The following MAPK10 variants were observed in gnomAD, a reference collection of about 807,000 sequenced individuals.
MAPK10 encodes the protein mitogen-activated protein kinase 10.
Under a neutral mutation model 59.3 loss-of-function variants are expected in MAPK10, and 25 were observed. The observed-to-expected ratio is 0.42, with a 90% CI of 0.31 to 0.59. MAPK10 has a LOEUF of 0.59. Among genes scored for constraint, MAPK10 ranks in the 20% least tolerant of loss-of-function variants. The probability of loss-of-function intolerance (pLI) is 0.15; values close to 1 mark genes in which losing one functional copy is unlikely to be tolerated. For synonymous variants in MAPK10, 190 were observed against 200.5 expected, an observed-to-expected ratio of 0.95 and a Z score of 0.44; for missense variants, 351 against 568.9, an observed-to-expected ratio of 0.62 and a Z score of 3.90.
chr4:86,350,308 A>C (rs1730606975), intron 2 of MAPK10, among the ~76,000 whole-genome samples: 1 of 151,576 alleles, frequency 6.6e-6, no homozygotes, highest in South Asian at 2.1e-4. Context: ...TCTGCCTCCC[A>C]GGTTCAAGTG....
At chr4:86,552,515 AAG>A (rs1759923714) in intron 1 of MAPK10, among the ~76,000 whole-genome samples, 3 of 108,762 alleles carry the variant, frequency 2.8e-5, no homozygotes, top group African/African-American at 7.1e-5. Flanking sequence ...GGAAGGAAGG[AAG>A]GAAGGAAGGA....
intron 1 of MAPK10, among the ~76,000 whole-genome samples, chr4:86,477,573 A>G (rs147028280): frequency 2.6e-5 from 4 of 152,256 alleles, no homozygotes; most frequent in African/African-American, 9.6e-5. Flanking sequence ...CTCAACGCCA[A>G]TATCCCATCC....
chr4:86,398,942 CT>C (rs1422051622), intron 1 of MAPK10, among the ~76,000 whole-genome samples: 1 of 152,116 alleles, frequency 6.6e-6, no homozygotes, highest in Admixed American at 6.6e-5. Flanking sequence ...TGACTTTGTT[CT>C]TTTTTATGGC....
At chr4:86,268,536 C>T (rs549214627) in intron 2 of MAPK10, 1 of 152,354 alleles carries the variant, frequency 6.6e-6, no homozygotes, top group African/African-American at 2.4e-5. Flanking sequence ...AACTGCCCCT[C>T]AGGTCTCATG....
Position 86,359,915 on chromosome 4 carries a change from T to C in MAPK10, c.-379A>G. The C allele has an allele frequency of 1.0e-6, 1 of 985,628 alleles. No homozygotes were observed. Among genetic ancestry groups the C allele is most frequent in the Non-Finnish European group, 1.2e-6 (1 of 829,932 alleles). The allele number at this position is 985,628 out of a possible 1,614,324, so 61.1% of individuals were successfully genotyped here. A position where few individuals can be genotyped will look rare whatever the true frequency, so the allele number is the denominator to read the frequency against. On this transcript the variant is annotated 5_prime_UTR_variant, in exon 1 of 14. It adds an upstream start codon to the 5' untranslated region. Coordinates refer to ENST00000641462, the MANE Select transcript of MAPK10 (RefSeq NM_138982.4). ...AAAAAAGAAAAGAAAAAGGTAAGCA[T>C]ATAGCAAGCACCACCCACCCCCATA...
At chr4:86,156,137 C>T (rs2067695606) in intron 4 of MAPK10, among the ~76,000 whole-genome samples, 1 of 151,988 alleles carries the variant, frequency 6.6e-6, no homozygotes, top group South Asian at 2.1e-4. Flanking sequence ...GAAAGCTAAA[C>T]CACAAATACG....
intron 1 of MAPK10, among the ~76,000 whole-genome samples, chr4:86,511,961 T>TTAAC (rs145736169): frequency 0.047 from 7,103 of 152,084 alleles, 215 homozygotes; most frequent in African/African-American, 0.059. Flanking sequence ...CTAAAGTTGA[T>TTAAC]TAATTAATTT....
intron 4 of MAPK10, among the ~76,000 whole-genome samples, chr4:86,141,006 A>G (rs771696631): frequency 1.3e-5 from 2 of 152,242 alleles, no homozygotes; most frequent in Admixed American, 6.5e-5. Flanking sequence ...ATTTTTAGCT[A>G]GAAAGACCAT....
chr4:86,174,320 G>A (rs1307767807), intron 3 of MAPK10, among the ~76,000 whole-genome samples: 1 of 152,136 alleles, frequency 6.6e-6, no homozygotes, highest in African/African-American at 2.4e-5. Flanking sequence ...TCCTTTGCAG[G>A]GACATGCATG....
At chr4:86,277,877 T>C (rs1362613047) in intron 2 of MAPK10, among the ~76,000 whole-genome samples, 1 of 152,150 alleles carries the variant, frequency 6.6e-6, no homozygotes, top group Non-Finnish European at 1.5e-5. Flanking sequence ...TTGGAGTAGA[T>C]GTTACCATTT....
At chr4:86,192,206 T>G (rs1375323202) in intron 3 of MAPK10, 1 of 152,170 alleles carries the variant, frequency 6.6e-6, no homozygotes, top group African/African-American at 2.4e-5. Context: ...CCTTACCATT[T>G]TTTCCTTCAT....
intron 2 of MAPK10, among the ~76,000 whole-genome samples, chr4:86,290,967 T>C (rs75616024): frequency 0.012 from 1,797 of 152,238 alleles, 42 homozygotes; most frequent in African/African-American, 0.041. Context: ...TGCAAGAATA[T>C]ATAAGGCAGG....
intron 1 of MAPK10, among the ~76,000 whole-genome samples, chr4:86,372,564 G>GAAAGAAAGAAAGAAAGAA: frequency 2.5e-5 from 2 of 78,716 alleles, no homozygotes; most frequent in Admixed American, 1.4e-4. Flanking sequence ...AAGAAAGAAA[G>GAAAGAAAGAAAGAAAGAA]AAAGAAAAGA....
At chr4:86,324,967 T>C (rs1381269950) in intron 2 of MAPK10, among the ~76,000 whole-genome samples, 1 of 152,246 alleles carries the variant, frequency 6.6e-6, no homozygotes, top group Non-Finnish European at 1.5e-5. Flanking sequence ...ACTTGAGCCA[T>C]TGCACTTTGT....
intron 2 of MAPK10, among the ~76,000 whole-genome samples, chr4:86,242,300 G>A (rs2092778149): frequency 6.6e-6 from 1 of 152,138 alleles, no homozygotes; most frequent in Admixed American, 6.5e-5. Flanking sequence ...TAGAGTGTCT[G>A]ACAACCCCTG....
Position 86,210,725 on chromosome 4 carries a change from GA to G in MAPK10, c.-6-16319del, listed in dbSNP as rs201854790. Among the ~76,000 whole-genome samples the G allele has an allele frequency of 4.1e-3, 622 of 151,462 alleles. 8 individuals carry two copies. Among genetic ancestry groups the G allele is most frequent in the Admixed American group, 0.027 (417 of 15,188 alleles). On this transcript the variant is annotated intron_variant, in intron 2 of 13. Coordinates refer to ENST00000641462, the MANE Select transcript of MAPK10 (RefSeq NM_138982.4). Reference sequence around the variant, plus strand: ...AAAAGGGAAGTATGGCTCAGTCAAAGAAAAAAATAGACAGAAAACGATCCCT... The same window carrying G: ...AAAAGGGAAGTATGGCTCAGTCAAAGAAAAAATAGACAGAAAACGATCCCT...
chr4:86,530,068 CTT>C (rs199905487), intron 1 of MAPK10, among the ~76,000 whole-genome samples: 99 of 132,182 alleles, frequency 7.5e-4, no homozygotes, highest in Middle Eastern at 4.1e-3. Flanking sequence ...TTTGTTTTTC[CTT>C]TTTTTTTTTT....
intron 1 of MAPK10, among the ~76,000 whole-genome samples, chr4:86,587,196 T>G (rs904915099): frequency 6.6e-6 from 1 of 152,236 alleles, no homozygotes; most frequent in Non-Finnish European, 1.5e-5. Flanking sequence ...AGAAGTTAAG[T>G]GGCTTGCCAA....
intron 1 of MAPK10, among the ~76,000 whole-genome samples, chr4:86,359,280 C>CTCTCTCTCTCTCTCTCTT (rs1361677133): frequency 5.8e-5 from 8 of 137,222 alleles, no homozygotes; most frequent in African/African-American, 2.0e-4. Context: ...CTCTCTCTCT[C>CTCTCTCTCTCTCTCTCTT]TCTCTCTCTG....
Sources: allele counts gnomAD v4.1 joint callset (sites outside exome capture counted in the v4.1 genomes callset), GRCh38; gene constraint gnomAD v4.1.1; transcripts MANE v1.5; gene names NCBI Gene and HGNC (gene_info 2026-07-23, HGNC 2026-07-21).